Variants in LRP1B observed in about 807,000 individuals in gnomAD.
LRP1B encodes LDL receptor related protein 1B, also known as low-density lipoprotein receptor-related protein 1B.
LRP1B carries 217 observed loss-of-function variants against 556.6 expected under a neutral mutation model. That is an observed-to-expected ratio of 0.39 (90% CI 0.35 to 0.44). The LOEUF is 0.44. Ranked by LOEUF, LRP1B falls within the 20% of genes least tolerant of loss-of-function variation. LRP1B has a pLI of 1.00. For synonymous variants in LRP1B, 2,047 were observed against 1,865.8 expected, an observed-to-expected ratio of 1.10 and a Z score of -2.50; for missense variants, 5,053 against 5,620.8, an observed-to-expected ratio of 0.90 and a Z score of 3.23.
intron 79 of LRP1B, among the ~76,000 whole-genome samples, chr2:140,326,880 T>G (rs1680515918): frequency 6.6e-6 from 1 of 152,136 alleles, no homozygotes. Flanking sequence ...TTTTTTAGTT[T>G]CATTTTTTGA....
At position 141,922,316 on chromosome 2, in the gene LRP1B, G is replaced by A. The variant is rs1231180164; in HGVS notation, c.83-111915C>T. Among the ~76,000 whole-genome samples, 5 of 152,252 alleles carry A rather than the reference G, an allele frequency of 3.3e-5. No individual in the cohort carries two copies. The East Asian group carries it at 9.7e-4, about 29-fold the overall frequency. On this transcript the variant is annotated intron_variant, in intron 1 of 90. Coordinates refer to ENST00000389484, the MANE Select transcript of LRP1B (RefSeq NM_018557.3). ...TGCTCTAAACCAACAACTATGACAA[G>A]CTTCATCTCATCCCCTATGTGCACT...
intron 2 of LRP1B, among the ~76,000 whole-genome samples, chr2:141,695,427 G>A (rs1307421114): frequency 1.3e-5 from 2 of 151,930 alleles, no homozygotes; most frequent in Non-Finnish European, 2.9e-5. Flanking sequence ...ATGTCATAAG[G>A]TGCTGTAACA....
chr2:141,458,401 T>C (rs1415957749), intron 3 of LRP1B, among the ~76,000 whole-genome samples: 1 of 152,182 alleles, frequency 6.6e-6, no homozygotes, highest in Admixed American at 6.5e-5. Flanking sequence ...GCGACTGCTT[T>C]TGCCAATTCA....
intron 44 of LRP1B, 61 bp downstream of exon 44, chr2:140,541,718 C>T (rs1251150160): frequency 1.4e-5 from 18 of 1,268,384 alleles, no homozygotes; most frequent in Admixed American, 2.1e-5. Flanking sequence ...AACATATATA[C>T]ATTTTTAGAG....
chr2:141,055,865 A>G (rs1699167279), intron 9 of LRP1B, among the ~76,000 whole-genome samples: 1 of 150,366 alleles, frequency 6.7e-6, no homozygotes. Flanking sequence ...GGCTGAGTAT[A>G]TGTATAGAAA....
At chr2:140,902,821 G>T (rs2105221998) in intron 23 of LRP1B, 99 bp downstream of exon 23, 1 of 1,261,052 alleles carries the variant, frequency 7.9e-7, no homozygotes, top group Non-Finnish European at 1.1e-6. Flanking sequence ...TATCTAAAAT[G>T]AGTTGAATCC....
At chr2:141,443,486 T>C (rs926517700) in intron 3 of LRP1B, among the ~76,000 whole-genome samples, 2 of 152,316 alleles carry the variant, frequency 1.3e-5, no homozygotes, top group Middle Eastern at 3.4e-3. Context: ...TTTGGTGTTT[T>C]AGTCATGAAG....
At chr2:140,293,877 T>C (rs1274552177) in intron 84 of LRP1B, among the ~76,000 whole-genome samples, 1 of 152,176 alleles carries the variant, frequency 6.6e-6, no homozygotes, top group Non-Finnish European at 1.5e-5. Context: ...CTTGAGCAAG[T>C]TATTTAACCT....
Position 140,989,614 on chromosome 2 carries a change from A to T in LRP1B, c.2688T>A (p.Asn896Lys), listed in dbSNP as rs1697027985. 6.2e-7 allele frequency: 1 copy of T among 1,613,254 alleles called. No homozygotes were observed. Among genetic ancestry groups the T allele is most frequent in the East Asian group, 2.2e-5 (1 of 44,800 alleles). Residue 896 changes from asparagine to lysine, a missense_variant, in exon 17 of 91, where the codon AAT (asparagine) becomes AAA (lysine). By Grantham distance (94) the Asn-to-Lys change is moderately conservative. Transcript: ENST00000389484. ...CPDDQFKCQN[N>K]RCIPKRWLCD... ...AAAGCCATCTCTTGGGGATGCAGCG[A>T]TTATTCTGGCATTTAAACTGATCAT...
rs1364864710 is a variant in LRP1B at position 140,293,535 on chromosome 2, A to G, written c.12967+4273T>C. On this transcript the variant is annotated intron_variant, in intron 84 of 90. Transcript: ENST00000389484. ...AATGTTTTTACTCAGCACAACTAAG[A>G]GCTGATGTTTTCCCTCCCACTAATG... 2.0e-5 allele frequency among the ~76,000 whole-genome samples: 3 copies of G among 152,296 alleles called. No individual in the cohort carries two copies. In the East Asian group the frequency reaches 5.8e-4, roughly 29 times the overall value.
rs145771307 is a variant in LRP1B, at chr2:140,370,772, C to G, written c.10946G>C (p.Arg3649Thr). ...CKNKAHCIPI[R>T]WLCDGIHDCV... ...GTCATGAATTCCATCACACAGCCAT[C>G]TAATTGGAATACAGTGGGCTTTATT... is the stretch of plus-strand genomic sequence containing the variant. The change falls in exon 71 of 91, where the codon AGA becomes ACA. Residue 3649 changes from arginine (R) to threonine (T), a missense_variant. Coordinates refer to ENST00000389484, the MANE Select transcript of LRP1B (RefSeq NM_018557.3). 3 of 1,612,860 alleles carry G rather than the reference C, an allele frequency of 1.9e-6. No homozygotes were observed. Among genetic ancestry groups the G allele is most frequent in the East Asian group, 4.5e-5 (2 of 44,802 alleles).
intron 3 of LRP1B, among the ~76,000 whole-genome samples, chr2:141,413,313 A>G (rs1690925346): frequency 6.6e-6 from 1 of 152,110 alleles, no homozygotes; most frequent in Admixed American, 6.5e-5. Flanking sequence ...AACATGGAGA[A>G]CATTACCTAG....
chr2:140,352,571 A>T (rs1405774293), intron 76 of LRP1B, among the ~76,000 whole-genome samples: 3 of 152,108 alleles, frequency 2.0e-5, no homozygotes, highest in Admixed American at 6.6e-5. Context: ...CCTTACTCAA[A>T]ATTCCTTTCT....
chr2:142,038,036 A>G (rs1703946093), intron 1 of LRP1B, among the ~76,000 whole-genome samples: 1 of 151,612 alleles, frequency 6.6e-6, no homozygotes, highest in Non-Finnish European at 1.5e-5. Flanking sequence ...AGTAGTTTCT[A>G]CTAGATCCAG....
At chr2:141,842,328 AAAG>A (rs1355091615) in intron 1 of LRP1B, among the ~76,000 whole-genome samples, 6 of 152,080 alleles carry the variant, frequency 3.9e-5, no homozygotes, top group African/African-American at 1.4e-4. Context: ...TACCACAGAG[AAAG>A]AAGAGCCTAA....
chr2:140,696,194 T>C (rs1441457), intron 41 of LRP1B, among the ~76,000 whole-genome samples: 36,694 of 152,008 alleles, frequency 0.24, 5,579 homozygotes, highest in African/African-American at 0.43. Flanking sequence ...TACATCTTAC[T>C]TATATTTATT....
At chr2:141,154,121 C>T (rs1475634156) in intron 7 of LRP1B, among the ~76,000 whole-genome samples, 2 of 151,798 alleles carry the variant, frequency 1.3e-5, no homozygotes, top group Admixed American at 6.6e-5. Flanking sequence ...CTTTTGTTCA[C>T]TTGTTCAGTT....
chr2:141,664,427 TG>T (rs1273762490), intron 2 of LRP1B, among the ~76,000 whole-genome samples: 1 of 152,166 alleles, frequency 6.6e-6, no homozygotes, highest in Non-Finnish European at 1.5e-5. Flanking sequence ...TGTGTCTGTT[TG>T]CAGATGACAT....
At chr2:141,611,827 G>C (rs189706779) in intron 2 of LRP1B, among the ~76,000 whole-genome samples, 1 of 152,190 alleles carries the variant, frequency 6.6e-6, no homozygotes, top group Non-Finnish European at 1.5e-5. Flanking sequence ...AAATGAAAAG[G>C]TCTGATAAGC....
Sources: allele counts gnomAD v4.1 joint callset (sites outside exome capture counted in the v4.1 genomes callset), GRCh38; gene constraint gnomAD v4.1.1; transcripts MANE v1.5; gene names NCBI Gene and HGNC (gene_info 2026-07-23, HGNC 2026-07-21).